Variants in UGT1A9 observed in about 807,000 individuals in gnomAD.
The protein encoded by UGT1A9 is UDP-glucuronosyltransferase 1A9.
A neutral mutation model predicts 45.0 loss-of-function variants in UGT1A9; 35 were observed. The ratio of observed to expected loss-of-function variants is 0.78; its 90% confidence interval spans 0.59 to 1.03. The LOEUF (loss-of-function observed/expected upper bound fraction) is 1.03. Ranked by LOEUF, UGT1A9 falls within the 50% of genes least tolerant of loss-of-function variation. UGT1A9 has a pLI of 0.00. For synonymous variants in UGT1A9, 278 were observed against 250.6 expected (o/e 1.11, Z -1.03); for missense variants, 687 against 666.6 (o/e 1.03, Z -0.34).
intron 1 of UGT1A9, among the ~76,000 whole-genome samples, chr2:233,745,590 G>A (rs565744032): frequency 1.3e-5 from 2 of 151,664 alleles, no homozygotes; most frequent in Admixed American, 6.5e-5. Context: ...CCTGAGACCC[G>A]GACTTGGCAC....
intron 1 of UGT1A9, among the ~76,000 whole-genome samples, chr2:233,715,946 TTGAC>T (rs1026670441): frequency 8.5e-5 from 13 of 152,220 alleles, no homozygotes; most frequent in African/African-American, 2.9e-4. Flanking sequence ...TTGTGGTTTG[TTGAC>T]TGACTGACTG....
At chr2:233,757,303 G>A (rs1346705101) in intron 1 of UGT1A9, among the ~76,000 whole-genome samples, 3 of 111,204 alleles carry the variant, frequency 2.7e-5, no homozygotes, top group African/African-American at 6.7e-5. Flanking sequence ...GGGGTTGGGG[G>A]ACAGGGGGGC....
At chr2:233,751,513 GC>G (rs1314073844) in intron 1 of UGT1A9, among the ~76,000 whole-genome samples, 4 of 152,198 alleles carry the variant, frequency 2.6e-5, no homozygotes, top group African/African-American at 9.6e-5. Context: ...GGGCCAGAGG[GC>G]AGAATGATAT....
chr2:233,751,022 C>T (rs902181349), intron 1 of UGT1A9, among the ~76,000 whole-genome samples: 2 of 151,802 alleles, frequency 1.3e-5, no homozygotes, highest in Non-Finnish European at 2.9e-5. Flanking sequence ...ATAGTAGATC[C>T]AATAGCTTGC....
chr2:233,690,619 C>A (rs1210320022), intron 1 of UGT1A9: 6 of 1,289,180 alleles, frequency 4.7e-6, no homozygotes, highest in Non-Finnish European at 5.1e-6. Context: ...TGCCTGGACA[C>A]TCAAGTGATA....
chr2:233,738,762 C>G (rs1262299691), intron 1 of UGT1A9, among the ~76,000 whole-genome samples: 1 of 152,182 alleles, frequency 6.6e-6, no homozygotes, highest in Non-Finnish European at 1.5e-5. Flanking sequence ...AAGAAAAACC[C>G]ATTTTATGGG....
In UGT1A9 at chr2:233,768,069, G is replaced by T. The variant is rs191770279; in HGVS notation, c.1075+133G>T. ...CATATCCTACATTGCTTTTTATCTAGTGGGGTATCTCAACCCACATTTTCT... is the reference window on the plus strand; with the variant it reads ...CATATCCTACATTGCTTTTTATCTATTGGGGTATCTCAACCCACATTTTCT... On this transcript the variant is annotated intron_variant, in intron 3 of 4. Transcript: ENST00000354728. The T allele has an allele frequency of 3.1e-6, 5 of 1,596,368 alleles. No homozygotes were observed. In the East Asian group the frequency reaches 1.1e-4, roughly 36 times the overall value.
intron 1 of UGT1A9, among the ~76,000 whole-genome samples, chr2:233,762,846 A>G (rs1269023335): frequency 6.6e-6 from 1 of 152,164 alleles, no homozygotes; most frequent in Non-Finnish European, 1.5e-5. Flanking sequence ...ATAGGCAGTC[A>G]TTTGCTGATA....
At chr2:233,686,759 T>C (rs1195902114) in intron 1 of UGT1A9, among the ~76,000 whole-genome samples, 3 of 152,202 alleles carry the variant, frequency 2.0e-5, no homozygotes, top group African/African-American at 7.2e-5. Context: ...TCACTGGCTT[T>C]ATTTTATGCA....
chr2:233,747,592 C>G (rs1434418426), intron 1 of UGT1A9: 13 of 1,575,650 alleles, frequency 8.3e-6, no homozygotes, highest in Admixed American at 6.7e-5. Flanking sequence ...TTTCATAGGT[C>G]TTGTGTGGAG....
chr2:233,682,196 G>T (rs1239084730), intron 1 of UGT1A9: 1 of 1,614,072 alleles, frequency 6.2e-7, no homozygotes, highest in African/African-American at 1.3e-5. Context: ...GGAGGATCAG[G>T]ACCGGGAGTT....
chr2:233,727,441 G>T (rs2077617146), intron 1 of UGT1A9, among the ~76,000 whole-genome samples: 1 of 152,130 alleles, frequency 6.6e-6, no homozygotes, highest in African/African-American at 2.4e-5. Flanking sequence ...CATGTGACAA[G>T]AAATCAGATG....
In UGT1A9 at chr2:233,767,881, G is replaced by A. The variant is rs1468683280; in HGVS notation, c.1020G>A (p.Ser340=). The A allele has an allele frequency of 1.1e-5, 17 of 1,613,962 alleles. No individual in the cohort carries two copies. The highest frequency in any genetic ancestry group is 1.2e-5 in the Non-Finnish European group (14 of 1,180,050). ...VLWRYTGTRP[S]NLANNTILVK... is the part of the protein sequence containing the mutation. ...GGCGGTACACTGGAACCCGACCATC[G>A]AATCTTGCGAACAACACGATACTTG... The change falls in exon 3 of 5, where the codon TCG becomes TCA. Residue 340 remains serine, a synonymous_variant. Transcript: ENST00000354728.
In UGT1A9 at chr2:233,672,591, A is replaced by C; in HGVS notation, c.657A>C (p.Leu219Phe). ...NHIMHLEEHL[L>F]CHRFFKNALE... ...TCATGCACTTGGAGGAACATTTATTATGCCACCGTTTTTTCAAAAATGCCC... is the reference window on the plus strand; with the variant it reads ...TCATGCACTTGGAGGAACATTTATTCTGCCACCGTTTTTTCAAAAATGCCC... The change falls in exon 1 of 5, where the codon TTA (leucine) becomes TTC (phenylalanine). Residue 219 changes from leucine to phenylalanine, a missense_variant. Transcript: ENST00000354728. The C allele has an allele frequency of 6.2e-7, 1 of 1,613,922 alleles. No individual in the cohort carries two copies. Among genetic ancestry groups the C allele is most frequent in the Non-Finnish European group, 8.5e-7 (1 of 1,179,846 alleles).
At chr2:233,679,308 C>A (rs139056662) in intron 1 of UGT1A9, among the ~76,000 whole-genome samples, 28 of 152,316 alleles carry the variant, frequency 1.8e-4, no homozygotes, top group African/African-American at 6.0e-4. Flanking sequence ...CTTGATGGAA[C>A]CAATCCAGAA....
chr2:233,710,571 C>T (rs554761424), intron 1 of UGT1A9, among the ~76,000 whole-genome samples: 17 of 152,284 alleles, frequency 1.1e-4, no homozygotes, highest in Admixed American at 9.8e-4. Context: ...AAAAGGTGCC[C>T]TTTCAAAATC....
At chr2:233,705,147 AAAG>A (rs767528051) in intron 1 of UGT1A9, among the ~76,000 whole-genome samples, 175 of 152,082 alleles carry the variant, frequency 1.2e-3, no homozygotes, top group Middle Eastern at 3.4e-3. Flanking sequence ...AAAAAAAAAA[AAAG>A]AGAGAGAGAG....
In UGT1A9 at chr2:233,710,287, G is replaced by A. The variant is rs1349659721; in HGVS notation, c.855+37498G>A. On this transcript the variant is annotated intron_variant, in intron 1 of 4. Coordinates refer to ENST00000354728, the MANE Select transcript of UGT1A9 (RefSeq NM_021027.3). ...TTTTCTTGGGTAAATACTTAAAAGT[G>A]GGATTGTTGGGTTGCATGGTAGGTG... is the stretch of plus-strand genomic sequence containing the variant. Among the ~76,000 whole-genome samples, 3 of 152,190 alleles carry A rather than the reference G, an allele frequency of 2.0e-5. No homozygotes were observed. In the East Asian group the frequency reaches 5.8e-4, roughly 29 times the overall value.
At chr2:233,761,055 T>G (rs1559407933) in intron 1 of UGT1A9, 1 of 1,614,230 alleles carries the variant, frequency 6.2e-7, no homozygotes, top group East Asian at 2.2e-5. Context: ...TCTGGCTGTT[T>G]AGAAGTGACT....
Sources: allele counts gnomAD v4.1 joint callset (sites outside exome capture counted in the v4.1 genomes callset), GRCh38; gene constraint gnomAD v4.1.1; transcripts MANE v1.5; gene names NCBI Gene and HGNC (gene_info 2026-07-23, HGNC 2026-07-21).